The following ALDH16A1 variants were observed in gnomAD, a reference collection of about 807,000 sequenced individuals.
ALDH16A1 encodes the protein aldehyde dehydrogenase 16 family member A1, also known as aldehyde dehydrogenase family 16 member A1.
A neutral mutation model predicts 96.1 loss-of-function variants in ALDH16A1; 88 were observed. That is an observed-to-expected ratio of 0.92 (90% CI 0.77 to 1.09). The LOEUF (loss-of-function observed/expected upper bound fraction) is 1.09. Ranked by LOEUF, ALDH16A1 falls within the 50% of genes least tolerant of loss-of-function variation. ALDH16A1 has a pLI of 0.00. For synonymous variants in ALDH16A1, 522 were observed against 496.4 expected, an observed-to-expected ratio of 1.05 and a Z score of -0.69; for missense variants, 1,250 against 1,112.6, an observed-to-expected ratio of 1.12 and a Z score of -1.76.
At position 49,464,511 on chromosome 19, in the gene ALDH16A1, G is replaced by A. The variant is rs375713785; in HGVS notation, c.1426G>A (p.Gly476Arg). 2.3e-5 allele frequency: 37 copies of A among 1,613,600 alleles called. No homozygotes were observed. Among genetic ancestry groups the A allele is most frequent in the Middle Eastern group, 1.6e-4 (1 of 6,082 alleles). ...CAAGGAGAGTGGGTGTTCCTGGCAC[G>A]GGGGCCCAGACGTGAGTACATCCCC... ...GCKESGCSWH[G>R]GPDGLYEYLR... Residue 476 changes from glycine (G) to arginine (R), a missense_variant, in exon 11 of 17, where the codon GGG (glycine) becomes AGG (arginine). By Grantham distance (125) the Gly-to-Arg change is moderately radical. Coordinates refer to ENST00000293350, the MANE Select transcript of ALDH16A1 (RefSeq NM_153329.4).
chr19:49,460,503 C>T (rs555712958), intron 4 of ALDH16A1, among the ~76,000 whole-genome samples: 8 of 151,744 alleles, frequency 5.3e-5, no homozygotes, highest in African/African-American at 1.9e-4. Flanking sequence ...GAACCTCCGC[C>T]TCCCGTGTTC....
chr19:49,470,708 G>C lies in ALDH16A1; in HGVS notation c.*241G>C, dbSNP rs893208336. Reference sequence around the variant, plus strand: ...CTGTCACCCAGGCTGGAGCGCAGTGGCACAATCTCGGCCCACTGCAGCCTC... The same window carrying C: ...CTGTCACCCAGGCTGGAGCGCAGTGCCACAATCTCGGCCCACTGCAGCCTC... On this transcript the variant is annotated 3_prime_UTR_variant, in exon 17 of 17. Coordinates refer to ENST00000293350, the MANE Select transcript of ALDH16A1 (RefSeq NM_153329.4). The C allele has an allele frequency of 2.4e-5, 9 of 376,238 alleles. No homozygotes were observed. Among genetic ancestry groups the C allele is most frequent in the Non-Finnish European group, 3.7e-5 (8 of 215,210 alleles). 23.3% of individuals were successfully genotyped at this position (376,238 alleles called of 1,614,324 possible).
intron 12 of ALDH16A1, among the ~76,000 whole-genome samples, 157 bp downstream of exon 12, chr19:49,464,919 G>T (rs11672888): frequency 6.6e-6 from 1 of 151,978 alleles, no homozygotes; most frequent in Non-Finnish European, 1.5e-5. Flanking sequence ...CCCTACCCCA[G>T]GCCTGCCGAG....
chr19:49,459,907 G>A lies in ALDH16A1; in HGVS notation c.499+59G>A. The A allele has an allele frequency of 6.5e-7, 1 of 1,532,634 alleles. No homozygotes were observed. Among genetic ancestry groups the A allele is most frequent in the East Asian group, 2.4e-5 (1 of 41,014 alleles). The allele number at this position is 1,532,634 out of a possible 1,614,324, so 94.9% of individuals were successfully genotyped here. On this transcript the variant is annotated intron_variant, in intron 4 of 16. Transcript: ENST00000293350. The surrounding 1 kb of genome is among the most constrained non-coding windows in gnomAD (Gnocchi z 4.1). ...ACATGACTCAGCAGTGCTAGCTCCAGTCCCCTCATTCTTTTTCTTTTAGAC... is the reference window on the plus strand; with the variant it reads ...ACATGACTCAGCAGTGCTAGCTCCAATCCCCTCATTCTTTTTCTTTTAGAC...
chr19:49,470,270 G>A, intron 16 of ALDH16A1, 36 bp from the exon 17 acceptor site: 1 of 1,611,328 alleles, frequency 6.2e-7, no homozygotes, highest in Non-Finnish European at 8.5e-7. Flanking sequence ...CAACAAGCCT[G>A]CAGAAGTGCT....
Position 49,464,480 on chromosome 19 carries a change from C to A in ALDH16A1, c.1395C>A (p.Gly465=). 1 of 1,613,082 alleles carries A rather than the reference C, an allele frequency of 6.2e-7. No individual in the cohort carries two copies. The highest frequency in any genetic ancestry group is 1.3e-5 in the African/African-American group (1 of 75,034). The stretch of plus-strand genomic sequence containing the variant: ...TCAGAGACCCTTCGGTGCCCACAGG[C>A]GGCTGCAAGGAGAGTGGGTGTTCCT... The part of the protein sequence containing the change: ...HGLRDPSVPT[G]GCKESGCSWH... The change falls in exon 11 of 17, where the codon GGC becomes GGA. Residue 465 remains glycine (G), a synonymous_variant. Transcript: ENST00000293350.
In ALDH16A1 at chr19:49,470,518, G is replaced by C; in HGVS notation, c.*51G>C. 1 of 1,451,124 alleles carries C rather than the reference G, an allele frequency of 6.9e-7. No homozygotes were observed. 89.9% of individuals were successfully genotyped at this position (1,451,124 alleles called of 1,614,324 possible). A position where few individuals can be genotyped will look rare whatever the true frequency, so the allele number is the denominator to read the frequency against. ...TGGACACCTCACACCAAGGGGAGAT[G>C]CACCCCACAGACACCTGGGACTTTC... On this transcript the variant is annotated 3_prime_UTR_variant, in exon 17 of 17. Coordinates refer to ENST00000293350, the MANE Select transcript of ALDH16A1 (RefSeq NM_153329.4).
chr19:49,464,952 T>C (rs2079186103), intron 12 of ALDH16A1, among the ~76,000 whole-genome samples, 190 bp downstream of exon 12: 1 of 152,254 alleles, frequency 6.6e-6, no homozygotes, highest in African/African-American at 2.4e-5. Context: ...GCCCCATGAA[T>C]GTCTGTACTC....
chr19:49,462,281 G>T (rs9710631), intron 7 of ALDH16A1, among the ~76,000 whole-genome samples: 18,250 of 151,706 alleles, frequency 0.12, 1,602 homozygotes, highest in Non-Finnish European at 0.19. Flanking sequence ...ATTACAGGCG[G>T]GCACCACCAT....
At chr19:49,458,066 A>G (rs2079115395) in intron 1 of ALDH16A1, among the ~76,000 whole-genome samples, 2 of 152,044 alleles carry the variant, frequency 1.3e-5, no homozygotes, top group South Asian at 4.1e-4. Flanking sequence ...ATACAAAAAC[A>G]AAACTAGCCG....
chr19:49,457,363 C>T (rs1156403333), intron 1 of ALDH16A1, among the ~76,000 whole-genome samples: 1 of 151,710 alleles, frequency 6.6e-6, no homozygotes, highest in South Asian at 2.1e-4. Context: ...CTGGCTAACA[C>T]AGTGAAACCC....
At chr19:49,460,359 T>G (rs1241159433) in intron 4 of ALDH16A1, among the ~76,000 whole-genome samples, 2 of 151,902 alleles carry the variant, frequency 1.3e-5, no homozygotes, top group African/African-American at 4.8e-5. Context: ...CACCTCAGCC[T>G]CCCAAGTAAC....
Position 49,458,978 on chromosome 19 carries a change from G to C in ALDH16A1, c.212G>C (p.Cys71Ser). Residue 71 changes from cysteine (C) to serine (S), a missense_variant, in exon 3 of 17, where the codon TGC becomes TCC. Transcript: ENST00000293350. ...DPITGENLAS[C>S]LQAQAEDVAA... Reference sequence around the variant, plus strand: ...TCCCCAGGAGAGAACTTGGCCAGTTGCCTGCAGGCACAGGCCGAGGATGTG... The same window carrying C: ...TCCCCAGGAGAGAACTTGGCCAGTTCCCTGCAGGCACAGGCCGAGGATGTG... The C allele has an allele frequency of 3.1e-6, 5 of 1,613,176 alleles. No homozygotes were observed. The highest frequency in any genetic ancestry group is 4.2e-6 in the Non-Finnish European group (5 of 1,179,716).
chr19:49,459,650 C>T lies in ALDH16A1; in HGVS notation c.321-20C>T. ...GCTGAGGGCCGTTGGAAAATGAGCA[C>T]CCTCTTGCTTTCTCGACAGGCTGGC... On this transcript the variant is annotated intron_variant, in intron 3 of 16. Transcript: ENST00000293350. This position sits in a 1 kb window ranked among gnomAD's most constrained non-coding sequence, Gnocchi z 4.1. 6.3e-7 allele frequency: 1 copy of T among 1,592,264 alleles called. No homozygotes were observed. The highest frequency in any genetic ancestry group is 8.6e-7 in the Non-Finnish European group (1 of 1,169,458).
Position 49,470,471 on chromosome 19 carries a change from CT to C in ALDH16A1, c.*5del. 2 of 1,555,028 alleles carry C rather than the reference CT, an allele frequency of 1.3e-6. No homozygotes were observed. Among genetic ancestry groups the C allele is most frequent in the Non-Finnish European group, 1.7e-6 (2 of 1,153,312 alleles). Reference sequence around the variant, plus strand: ...GTGGCTGCCTATGGGGGACTGATGCCTGAGCGCCACCTACTGCATTTTGGAC... The same window carrying C: ...GTGGCTGCCTATGGGGGACTGATGCCGAGCGCCACCTACTGCATTTTGGAC... On this transcript the variant is annotated 3_prime_UTR_variant, in exon 17 of 17. Transcript: ENST00000293350.
At position 49,463,907 on chromosome 19, in the gene ALDH16A1, G is replaced by T. The variant is rs2079175069; in HGVS notation, c.1152G>T (p.Leu384Phe). 1 of 1,613,410 alleles carries T rather than the reference G, an allele frequency of 6.2e-7. No homozygotes were observed. The highest frequency in any genetic ancestry group is 8.5e-7 in the Non-Finnish European group (1 of 1,179,610). The change falls in exon 9 of 17, where the codon TTG becomes TTT. Residue 384 changes from leucine (L) to phenylalanine (F), a missense_variant. Leu to Phe is a conservative substitution (Grantham distance 22). Coordinates refer to ENST00000293350, the MANE Select transcript of ALDH16A1 (RefSeq NM_153329.4). ...PSERPFYPPT[L>F]VSNLPPASPC... ...AACGCCCATTCTATCCCCCAACCTT[G>T]GTCTCCAACCTGCCCCCAGCCTCCC...
rs981214708 is a variant in ALDH16A1, at chr19:49,461,883, G to A, written c.760-1G>A. 1 of 1,587,366 alleles carries A rather than the reference G, an allele frequency of 6.3e-7. No individual in the cohort carries two copies. The highest frequency in any genetic ancestry group is 1.8e-5 in the Admixed American group (1 of 55,998). ...GCGGCTGAACTGGGGGGGGTCCCTA[G>A]GAAGGGCGTGCCCTTCGACGGAGCC... On this transcript the variant is annotated splice_acceptor_variant, in intron 6 of 16. Transcript: ENST00000293350. LOFTEE classifies it high-confidence loss of function.
Position 49,468,711 on chromosome 19 carries a change from C to A in ALDH16A1, c.2124+145C>A. On this transcript the variant is annotated intron_variant, in intron 15 of 16. Coordinates refer to ENST00000293350, the MANE Select transcript of ALDH16A1 (RefSeq NM_153329.4). The surrounding 1 kb of genome is among the most constrained non-coding windows in gnomAD (Gnocchi z 4.4). ...CAGCCCCAGCACCCAAACCTTCACT[C>A]CTTGGGGACCCAGTGCCCATTCTTC... 2 of 1,348,042 alleles carry A rather than the reference C, an allele frequency of 1.5e-6. No homozygotes were observed. Among genetic ancestry groups the A allele is most frequent in the African/African-American group, 1.4e-5 (1 of 69,202 alleles). The allele number at this position is 1,348,042 out of a possible 1,614,324, so 83.5% of individuals were successfully genotyped here. A position where few individuals can be genotyped will look rare whatever the true frequency, so the allele number is the denominator to read the frequency against.
Position 49,468,340 on chromosome 19 carries a change from G to A in ALDH16A1, c.1939-41G>A, listed in dbSNP as rs1051696093. On this transcript the variant is annotated intron_variant, in intron 14 of 16. Transcript: ENST00000293350. This position sits in a 1 kb window ranked among gnomAD's most constrained non-coding sequence, Gnocchi z 4.4. ...ACTGGATCTCTCATTTACTGCGGGC[G>A]GGGCTCCCCTGCCCCACACGTGACC... 28 of 1,580,766 alleles carry A rather than the reference G, an allele frequency of 1.8e-5. No individual in the cohort carries two copies. Among genetic ancestry groups the A allele is most frequent in the Admixed American group, 1.0e-4 (6 of 58,512 alleles).
Sources: gnomAD v4.1 joint callset for allele counts (sites outside exome capture counted in the v4.1 genomes callset) on GRCh38, gnomAD v4.1.1 for gene constraint, Gnocchi (gnomAD v3.1) non-coding constraint, MANE v1.5 for transcripts, NCBI Gene and HGNC (gene_info 2026-07-23, HGNC 2026-07-21) for gene names.